The following PTPRT variants were observed in gnomAD, a reference collection of about 807,000 sequenced individuals.
PTPRT encodes the protein protein tyrosine phosphatase receptor type T, also known as receptor-type tyrosine-protein phosphatase T.
In PTPRT, 56 loss-of-function variants were observed where a neutral mutation model predicts 176.8. The ratio of observed to expected loss-of-function variants is 0.32; its 90% CI spans 0.26 to 0.40. PTPRT has a LOEUF of 0.40. PTPRT is among the 10% of genes least tolerant of loss of function. The pLI is 1.00. For missense variants in PTPRT, 1,540 were observed against 1,908.2 expected, an observed-to-expected ratio of 0.81 and a Z score of 3.60; for synonymous variants, 783 against 739.0, an observed-to-expected ratio of 1.06 and a Z score of -0.96.
chr20:43,016,837 C>T (rs772918376), intron 1 of PTPRT, among the ~76,000 whole-genome samples: 5 of 151,826 alleles, frequency 3.3e-5, no homozygotes, highest in Non-Finnish European at 7.4e-5. Context: ...GTGTCCAGCC[C>T]TCTCACTGCC....
At chr20:42,647,254 G>A (rs16987183) in intron 7 of PTPRT, among the ~76,000 whole-genome samples, 3,104 of 152,008 alleles carry the variant, frequency 0.02, 98 homozygotes, top group East Asian at 0.078. Context: ...TCATATCTTT[G>A]CCATTCTTGT....
chr20:42,766,460 T>C (rs1203818657), intron 5 of PTPRT, among the ~76,000 whole-genome samples: 2 of 152,224 alleles, frequency 1.3e-5, no homozygotes, highest in Non-Finnish European at 2.9e-5. Flanking sequence ...GTCCTGTCCA[T>C]TGACTCTCAT....
chr20:42,761,586 G>A (rs909841654), intron 5 of PTPRT, among the ~76,000 whole-genome samples: 1 of 152,216 alleles, frequency 6.6e-6, no homozygotes, highest in African/African-American at 2.4e-5. Context: ...GATAAAGTGT[G>A]AGATAAGTCC....
rs146221737 is a variant in PTPRT, at chr20:42,779,208, T to C, written c.568+1010A>G. Among the ~76,000 whole-genome samples the C allele has an allele frequency of 3.7e-3, 557 of 152,272 alleles. 3 individuals are homozygous for C. The highest frequency in any genetic ancestry group is 0.013 in the African/African-American group (533 of 41,556). On this transcript the variant is annotated intron_variant, in intron 4 of 30. Transcript: ENST00000373187. ...AAGAGTTATTTCAATTAAAGCAACA[T>C]GGATGAGGCTGAAATGAGAATAGTC...
In PTPRT at chr20:42,352,046, A is replaced by G. The variant is rs1255676227; in HGVS notation, c.1762+38T>C. The G allele has an allele frequency of 1.9e-6, 3 of 1,592,902 alleles. No individual in the cohort carries two copies. In the African/African-American group the frequency reaches 4.0e-5, roughly 21 times the overall value. On this transcript the variant is annotated intron_variant, in intron 10 of 30. Coordinates refer to ENST00000373187, the MANE Select transcript of PTPRT (RefSeq NM_007050.6). ...AAGGAAAATCAGGAAGTGGGGGTGA[A>G]ACAACCTTTTTTCCTTTTTCCTTTC...
At chr20:42,726,781 T>C (rs922898447) in intron 6 of PTPRT, among the ~76,000 whole-genome samples, 1 of 152,174 alleles carries the variant, frequency 6.6e-6, no homozygotes, top group Non-Finnish European at 1.5e-5. Flanking sequence ...CACACACACG[T>C]GCAGCTCACG....
chr20:43,063,763 C>T (rs959533571), intron 1 of PTPRT, among the ~76,000 whole-genome samples: 1 of 152,162 alleles, frequency 6.6e-6, no homozygotes, highest in Non-Finnish European at 1.5e-5. Flanking sequence ...CAGTCATTGC[C>T]TAGACAGGAA....
intron 16 of PTPRT, among the ~76,000 whole-genome samples, chr20:42,184,394 T>C (rs977262733): frequency 6.6e-6 from 1 of 152,216 alleles, no homozygotes; most frequent in South Asian, 2.1e-4. Flanking sequence ...TTAAGGATTC[T>C]ATTTCCTGCT....
chr20:42,533,370 G>A lies in PTPRT; in HGVS notation c.1154-60808C>T, dbSNP rs115964413. On this transcript the variant is annotated intron_variant, in intron 7 of 30. Transcript: ENST00000373187. ...GTCCTTCCCAGCCCGGCAGTGAGCC[G>A]TCTCTCTCAGGAATCTTGATCTTCT... is the stretch of plus-strand genomic sequence containing the variant. Among the ~76,000 whole-genome samples the A allele has an allele frequency of 3.9e-3, 594 of 152,264 alleles. 8 individuals are homozygous for A. The highest frequency in any genetic ancestry group is 0.014 in the African/African-American group (563 of 41,558).
intron 1 of PTPRT, among the ~76,000 whole-genome samples, chr20:43,068,826 T>C (rs918453215): frequency 3.9e-5 from 6 of 152,066 alleles, no homozygotes; most frequent in Non-Finnish European, 8.8e-5. Flanking sequence ...GGTGAAAAGA[T>C]AGCCATGGAA....
chr20:42,850,266 C>G (rs1015890812), intron 2 of PTPRT, among the ~76,000 whole-genome samples: 1 of 152,184 alleles, frequency 6.6e-6, no homozygotes, highest in African/African-American at 2.4e-5. Context: ...TCTTGAAATA[C>G]TAAAAGCGCT....
chr20:42,555,908 A>T (rs1047881586), intron 7 of PTPRT, among the ~76,000 whole-genome samples: 1 of 152,172 alleles, frequency 6.6e-6, no homozygotes, highest in South Asian at 2.1e-4. Context: ...GCAAGGAAAA[A>T]ACAAGTTTGT....
At chr20:42,452,435 G>A (rs1001640932) in intron 8 of PTPRT, among the ~76,000 whole-genome samples, 11 of 152,010 alleles carry the variant, frequency 7.2e-5, no homozygotes, top group African/African-American at 1.7e-4. Context: ...TGCTTTGTAC[G>A]GAGGAATTGA....
At position 42,426,696 on chromosome 20, in the gene PTPRT, C is replaced by T. The variant is rs927568771; in HGVS notation, c.1560+21524G>A. Among the ~76,000 whole-genome samples the T allele has an allele frequency of 2.6e-5, 4 of 152,294 alleles. No homozygotes were observed. In the East Asian group the frequency reaches 5.8e-4, roughly 22 times the overall value. On this transcript the variant is annotated intron_variant, in intron 9 of 30. Coordinates refer to ENST00000373187, the MANE Select transcript of PTPRT (RefSeq NM_007050.6). The stretch of plus-strand genomic sequence containing the variant: ...GGGCCAGAGCCCAAAAGTGCTAGCC[C>T]GAGCTCCTGCACCTGCCTGTCTGTG...
intron 26 of PTPRT, among the ~76,000 whole-genome samples, 189 bp downstream of exon 26, chr20:42,101,935 C>T (rs2146237324): frequency 6.6e-6 from 1 of 152,256 alleles, no homozygotes; most frequent in South Asian, 2.1e-4. Flanking sequence ...GAAAAGGAGC[C>T]AAGAGCCCAC....
intron 1 of PTPRT, among the ~76,000 whole-genome samples, chr20:43,113,392 C>T (rs571045973): frequency 7.2e-5 from 11 of 152,330 alleles, no homozygotes; most frequent in South Asian, 4.1e-4. Context: ...CTAACAGAAA[C>T]ATCTTTTCAC....
rs74273602 is a variant in PTPRT, at chr20:42,460,691, T to G, written c.1450+11575A>C. Among the ~76,000 whole-genome samples, 12 of 152,326 alleles carry G rather than the reference T, an allele frequency of 7.9e-5. No homozygotes were observed. In the East Asian group the frequency reaches 2.3e-3, roughly 29 times the overall value. On this transcript the variant is annotated intron_variant, in intron 8 of 30. Transcript: ENST00000373187. Reference sequence around the variant, plus strand: ...GTTCTCAGGAGATCTGATGTTATTATAAGTGTTTGGTAGTTTCTCCAACGT... The same window carrying G: ...GTTCTCAGGAGATCTGATGTTATTAGAAGTGTTTGGTAGTTTCTCCAACGT...
intron 11 of PTPRT, among the ~76,000 whole-genome samples, chr20:42,333,748 G>A (rs768458991): frequency 3.3e-5 from 5 of 152,062 alleles, no homozygotes; most frequent in South Asian, 2.1e-4. Flanking sequence ...GTGCAATCTC[G>A]GCTCAGAGCA....
chr20:42,317,633 A>T (rs1327984471), intron 11 of PTPRT, among the ~76,000 whole-genome samples: 1 of 152,136 alleles, frequency 6.6e-6, no homozygotes, highest in Non-Finnish European at 1.5e-5. Flanking sequence ...CCATCTAAAG[A>T]CACTTGATTA....
Sources: gnomAD v4.1 joint callset for allele counts (sites outside exome capture counted in the v4.1 genomes callset) on GRCh38, gnomAD v4.1.1 for gene constraint, MANE v1.5 for transcripts, NCBI Gene and HGNC (gene_info 2026-07-23, HGNC 2026-07-21) for gene names.